Variants in BMAL1 observed in about 807,000 individuals in gnomAD.
BMAL1 encodes the protein basic helix-loop-helix ARNT like 1.
the BMAL1 span, among the ~76,000 whole-genome samples, chr11:13,327,100 G>A: frequency 6.6e-6 from 1 of 151,848 alleles, no homozygotes; most frequent in Non-Finnish European, 1.5e-5. Flanking sequence ...GATTACAGGT[G>A]TGAGCCACTG....
the BMAL1 span, among the ~76,000 whole-genome samples, chr11:13,362,177 T>TG: frequency 6.6e-5 from 10 of 152,304 alleles, no homozygotes; most frequent in Admixed American, 6.5e-4. Flanking sequence ...ATATAGTGCT[T>TG]CAACTGTGGT....
the BMAL1 span, among the ~76,000 whole-genome samples, chr11:13,317,604 T>A: frequency 6.6e-6 from 1 of 152,244 alleles, no homozygotes; most frequent in Non-Finnish European, 1.5e-5. Context: ...TATTATTTAC[T>A]CTAGACCTGA....
chr11:13,366,895 T>TC, the BMAL1 span: 1 of 640,032 alleles, frequency 1.6e-6, no homozygotes, highest in Admixed American at 3.3e-5. Context: ...GTCCTACTTC[T>TC]CTGTCCTCTT....
chr11:13,281,341 G>A, the BMAL1 span, among the ~76,000 whole-genome samples: 2 of 151,934 alleles, frequency 1.3e-5, no homozygotes, highest in African/African-American at 2.4e-5. Flanking sequence ...CCTCCCTCCT[G>A]CCAGCCTCCC....
chr11:13,351,372 G>T, the BMAL1 span, among the ~76,000 whole-genome samples: 1 of 146,002 alleles, frequency 6.8e-6, no homozygotes, highest in African/African-American at 2.7e-5. Context: ...TGACTGAGAG[G>T]CTTGGCTTGG....
chr11:13,326,348 A>T, the BMAL1 span: 1 of 152,144 alleles, frequency 6.6e-6, no homozygotes, highest in Non-Finnish European at 1.5e-5. Context: ...GGCCCTTCAA[A>T]GTGAAATGCT....
the BMAL1 span, among the ~76,000 whole-genome samples, chr11:13,284,176 A>ATG: frequency 0.014 from 324 of 23,246 alleles, 44 homozygotes; most frequent in Middle Eastern, 0.054. Flanking sequence ...ATATATATAT[A>ATG]TGTGTATATA....
At chr11:13,285,230 C>T in the BMAL1 span, among the ~76,000 whole-genome samples, 1 of 152,172 alleles carries the variant, frequency 6.6e-6, no homozygotes, top group Non-Finnish European at 1.5e-5. Flanking sequence ...CCAGTTGTCT[C>T]ATTTTTTAAT....
the BMAL1 span, among the ~76,000 whole-genome samples, chr11:13,290,557 A>ATGTGT: frequency 9.2e-6 from 1 of 108,404 alleles, no homozygotes; most frequent in African/African-American, 3.8e-5. Context: ...TTACAAGTGT[A>ATGTGT]TATATTATTA....
chr11:13,361,894 G>A, the BMAL1 span, among the ~76,000 whole-genome samples: 1 of 152,206 alleles, frequency 6.6e-6, no homozygotes. Context: ...TAGTCTGGCT[G>A]TCCTTTTTAT....
At chr11:13,314,896 A>AG in the BMAL1 span, among the ~76,000 whole-genome samples, 2 of 152,176 alleles carry the variant, frequency 1.3e-5, no homozygotes, top group Non-Finnish European at 2.9e-5. Flanking sequence ...CTCTGACCCC[A>AG]GGGGTCCCAA....
At chr11:13,305,228 G>A in the BMAL1 span, among the ~76,000 whole-genome samples, 10,414 of 152,118 alleles carry the variant, frequency 0.068, 493 homozygotes, top group East Asian at 0.16. Flanking sequence ...CTGGGCCCCC[G>A]CTAGGTATTT....
At chr11:13,347,571 G>A in the BMAL1 span, among the ~76,000 whole-genome samples, 1 of 152,080 alleles carries the variant, frequency 6.6e-6, no homozygotes, top group African/African-American at 2.4e-5. Flanking sequence ...TCAGGGCTGG[G>A]CATGGTGGCT....
the BMAL1 span, among the ~76,000 whole-genome samples, chr11:13,364,046 C>T: frequency 6.6e-6 from 1 of 152,236 alleles, no homozygotes; most frequent in Non-Finnish European, 1.5e-5. Flanking sequence ...CAGGGTGTCA[C>T]AGTTCCCTTC....
chr11:13,358,492 G>A, the BMAL1 span: 1 of 1,613,278 alleles, frequency 6.2e-7, no homozygotes, highest in Non-Finnish European at 8.5e-7. Context: ...TTTTATAGAT[G>A]AATTGGCTTC....
the BMAL1 span, among the ~76,000 whole-genome samples, chr11:13,362,122 A>G: frequency 2.0e-5 from 3 of 152,198 alleles, no homozygotes; most frequent in East Asian, 5.8e-4. Context: ...TTCCAGAGCC[A>G]CATGCATTTG....
At chr11:13,347,840 A>C in the BMAL1 span, among the ~76,000 whole-genome samples, 1 of 152,214 alleles carries the variant, frequency 6.6e-6, no homozygotes, top group Admixed American at 6.5e-5. Flanking sequence ...ACAGAGCAAG[A>C]CTGTCTCAAA....
chr11:13,369,759 A>G, the BMAL1 span: 17 of 1,608,442 alleles, frequency 1.1e-5, no homozygotes, highest in African/African-American at 1.3e-5. Context: ...ACCTGCTCAA[A>G]GAAAAAAGGT....
At chr11:13,285,118 T>G in the BMAL1 span, among the ~76,000 whole-genome samples, 1 of 152,228 alleles carries the variant, frequency 6.6e-6, no homozygotes. Context: ...GTTCCCTTTG[T>G]GTGTGCTCTC....
Sources: gnomAD v4.1 joint callset for allele counts (sites outside exome capture counted in the v4.1 genomes callset) on GRCh38, gnomAD v4.1.1 for gene constraint, MANE v1.5 for transcripts, NCBI Gene and HGNC (gene_info 2026-07-23, HGNC 2026-07-21) for gene names.